ESR1: variants seen among roughly 807,000 people sequenced by gnomAD.
ESR1 encodes the protein estrogen receptor.
Under a neutral mutation model 52.7 loss-of-function variants are expected in ESR1, and 12 were observed. That is an observed-to-expected ratio of 0.23 (90% CI 0.15 to 0.37). The LOEUF (loss-of-function observed/expected upper bound fraction) is 0.37. Ranked by LOEUF, ESR1 falls within the 10% of genes least tolerant of loss-of-function variation. The pLI is 1.00. For synonymous variants in ESR1, 305 were observed against 316.8 expected (o/e 0.96, Z 0.39); for missense variants, 584 against 779.7 (o/e 0.75, Z 2.99).
At chr6:151,868,845 C>T (rs866561447) in intron 2 of ESR1, among the ~76,000 whole-genome samples, 17 of 152,038 alleles carry the variant, frequency 1.1e-4, no homozygotes, top group Admixed American at 8.5e-4. Flanking sequence ...ACTTCTCCTA[C>T]GAAGTTAATT....
At chr6:151,912,607 G>C (rs897772771) in intron 3 of ESR1, among the ~76,000 whole-genome samples, 1 of 152,062 alleles carries the variant, frequency 6.6e-6, no homozygotes, top group Non-Finnish European at 1.5e-5. Flanking sequence ...TAGATCTCAG[G>C]CTCTAATAAT....
At chr6:151,765,189 T>C (rs2128101738) in intron 2 of ESR1, among the ~76,000 whole-genome samples, 1 of 152,354 alleles carries the variant, frequency 6.6e-6, no homozygotes, top group Non-Finnish European at 1.5e-5. Flanking sequence ...TGTACGTTTT[T>C]CACTTATAGC....
intron 4 of ESR1, among the ~76,000 whole-genome samples, chr6:152,002,185 A>AGTGTGTGTGTGTGTGTGTGTGTGTGT (rs10578838): frequency 1.4e-5 from 2 of 141,388 alleles, no homozygotes; most frequent in Non-Finnish European, 3.1e-5. Context: ...TTTTAAATCA[A>AGTGTGTGTGTGTGTGTGTGTGTGTGT]GTGTGTGTGT....
chr6:151,779,722 C>T (rs893106913), intron 2 of ESR1, among the ~76,000 whole-genome samples: 1 of 151,944 alleles, frequency 6.6e-6, no homozygotes, highest in Non-Finnish European at 1.5e-5. Context: ...GACACATGCA[C>T]ACGTATGTTT....
intron 7 of ESR1, among the ~76,000 whole-genome samples, chr6:152,096,168 A>G (rs1231639798): frequency 2.0e-5 from 3 of 152,236 alleles, no homozygotes; most frequent in African/African-American, 4.8e-5. Flanking sequence ...TGATGAAGCC[A>G]CAATGACGAT....
intron 1 of ESR1, among the ~76,000 whole-genome samples, chr6:151,837,210 C>T (rs922269116): frequency 5.4e-5 from 8 of 149,124 alleles, no homozygotes; most frequent in Non-Finnish European, 8.9e-5. Flanking sequence ...AAGCAATTCT[C>T]TGCCTCAGCC....
In ESR1 at chr6:151,786,954, T is replaced by A. The variant is rs190233528; in HGVS notation, c.-70-20889T>A. 5.3e-3 allele frequency among the ~76,000 whole-genome samples: 807 copies of A among 152,242 alleles called. 4 individuals are homozygous for A. Among genetic ancestry groups the A allele is most frequent in the Non-Finnish European group, 7.8e-3 (531 of 67,992 alleles). On this transcript the variant is annotated intron_variant, in intron 2 of 2. Coordinates refer to the ESR1 transcript ENST00000404742. ...TCTCCCAAGTAGTTTGGATTACACA[T>A]GTGCACCACCACACCTGGCTAATTT... is the stretch of plus-strand genomic sequence containing the variant.
At chr6:151,703,011 C>T (rs900389006) in intron 2 of ESR1, among the ~76,000 whole-genome samples, 3 of 152,122 alleles carry the variant, frequency 2.0e-5, no homozygotes, top group Admixed American at 6.6e-5. Flanking sequence ...TATAACCTGC[C>T]CAAATTGCAA....
intron 4 of ESR1, among the ~76,000 whole-genome samples, chr6:151,970,604 T>G (rs768330600): frequency 1.3e-5 from 2 of 152,144 alleles, no homozygotes; most frequent in Non-Finnish European, 2.9e-5. Flanking sequence ...CAGGGAATTA[T>G]TCACACTTTA....
At chr6:151,849,475 C>G (rs1785873132) in intron 2 of ESR1, among the ~76,000 whole-genome samples, 1 of 152,022 alleles carries the variant, frequency 6.6e-6, no homozygotes, top group Non-Finnish European at 1.5e-5. Context: ...GAAACCCTGT[C>G]TCTACTAAAA....
intron 1 of ESR1, among the ~76,000 whole-genome samples, chr6:151,833,296 T>C (rs548280373): frequency 6.6e-6 from 1 of 152,294 alleles, no homozygotes; most frequent in Admixed American, 6.5e-5. Flanking sequence ...TGAAGTCTTT[T>C]GGGTGGGACA....
intron 2 of ESR1, among the ~76,000 whole-genome samples, chr6:151,787,325 G>T (rs1787121606): frequency 6.6e-6 from 1 of 152,032 alleles, no homozygotes; most frequent in Non-Finnish European, 1.5e-5. Context: ...GGCTATTTGG[G>T]ATCTTTTTTT....
At chr6:151,848,484 A>G (rs1445855143) in intron 2 of ESR1, among the ~76,000 whole-genome samples, 1 of 145,130 alleles carries the variant, frequency 6.9e-6, no homozygotes, top group Non-Finnish European at 1.5e-5. Context: ...ATAATAAAAA[A>G]AAAAAATTTA....
rs896591023 is a variant in ESR1, at chr6:151,678,687, G to T, written n.73+21924G>T. ...TGTCTGGGCTCAATACAAACCACTG[G>T]TTTTTTTTTTTTTTTCTGAGATGGA... On this transcript the variant is annotated intron_variant and non_coding_transcript_variant, in intron 1 of 2. Transcript: ENST00000473497. Among the ~76,000 whole-genome samples, 455 of 141,656 alleles carry T rather than the reference G, an allele frequency of 3.2e-3. 1 individual carries two copies. Among genetic ancestry groups the T allele is most frequent in the African/African-American group, 9.5e-3 (367 of 38,702 alleles). The allele number at this position is 141,656 out of a possible 152,430, so 92.9% of individuals were successfully genotyped here.
intron 2 of ESR1, among the ~76,000 whole-genome samples, chr6:151,856,260 T>C (rs1306028567): frequency 6.6e-6 from 1 of 152,188 alleles, no homozygotes; most frequent in Non-Finnish European, 1.5e-5. Flanking sequence ...TAAGTGTATT[T>C]GATACTTTTT....
At chr6:151,972,332 C>G (rs2038994184) in intron 4 of ESR1, among the ~76,000 whole-genome samples, 1 of 152,038 alleles carries the variant, frequency 6.6e-6, no homozygotes. Context: ...ATACCAAAAC[C>G]AGGAAAGGAC....
chr6:151,697,956 C>T (rs114232170), intron 1 of ESR1, among the ~76,000 whole-genome samples: 2,892 of 151,896 alleles, frequency 0.019, 103 homozygotes, highest in African/African-American at 0.067. Context: ...AAATTAGCCC[C>T]GTGTGGCAGC....
At chr6:151,680,780 C>T (rs1778429331) in intron 1 of ESR1, among the ~76,000 whole-genome samples, 1 of 152,094 alleles carries the variant, frequency 6.6e-6, no homozygotes, top group East Asian at 1.9e-4. Flanking sequence ...CTTTTGTTTA[C>T]AGCTATGTTC....
chr6:151,686,944 A>C (rs115931785), upstream of ESR1, among the ~76,000 whole-genome samples: 7 of 152,088 alleles, frequency 4.6e-5, no homozygotes, highest in African/African-American at 1.4e-4. Flanking sequence ...AGAGCCCCCT[A>C]TGTGTTATCT....
Sources: gnomAD v4.1 joint callset for allele counts (sites outside exome capture counted in the v4.1 genomes callset) on GRCh38, gnomAD v4.1.1 for gene constraint, MANE v1.5 for transcripts, NCBI Gene and HGNC (gene_info 2026-07-23, HGNC 2026-07-21) for gene names.